FLVCR2: variants seen among roughly 807,000 people sequenced by gnomAD.
FLVCR2 encodes the protein FLVCR choline and putative heme transporter 2, also known as choline/ethanolamine transporter FLVCR2.
FLVCR2 carries 38 observed loss-of-function variants against 48.9 expected under a neutral mutation model. The ratio of observed to expected loss-of-function variants is 0.78; its 90% CI spans 0.60 to 1.02. FLVCR2 has a LOEUF of 1.02. Ranked by LOEUF, FLVCR2 falls within the 50% of genes least tolerant of loss-of-function variation. The pLI is 0.00. For missense variants in FLVCR2, 664 were observed against 663.3 expected (o/e 1.00, Z -0.01); for synonymous variants, 255 against 257.0 (o/e 0.99, Z 0.07).
intron 1 of FLVCR2, among the ~76,000 whole-genome samples, chr14:75,601,758 A>T (rs1889171225): frequency 6.6e-6 from 1 of 152,246 alleles, no homozygotes; most frequent in South Asian, 2.1e-4. Flanking sequence ...AATAACTAAA[A>T]CTTGGAAGCA....
At chr14:75,609,172 G>A (rs1594800539) in intron 1 of FLVCR2, among the ~76,000 whole-genome samples, 1 of 152,086 alleles carries the variant, frequency 6.6e-6, no homozygotes, top group Admixed American at 6.5e-5. Context: ...TCACAGCTGG[G>A]GATGCAGCAA....
At chr14:75,623,304 TA>T (rs1889810380) in intron 2 of FLVCR2, among the ~76,000 whole-genome samples, 1 of 152,194 alleles carries the variant, frequency 6.6e-6, no homozygotes, top group Non-Finnish European at 1.5e-5. Context: ...TAATATTTTA[TA>T]TCCATGTACA....
chr14:75,597,253 T>G (rs1171200691), intron 1 of FLVCR2, among the ~76,000 whole-genome samples: 1 of 149,220 alleles, frequency 6.7e-6, no homozygotes, highest in East Asian at 2.0e-4. Flanking sequence ...TGCACTCCAA[T>G]CTGAGCTATA....
At chr14:75,590,512 C>A (rs1190111150) in intron 1 of FLVCR2, among the ~76,000 whole-genome samples, 1 of 152,192 alleles carries the variant, frequency 6.6e-6, no homozygotes, top group African/African-American at 2.4e-5. Context: ...TGTGTCCCCA[C>A]CAAATCTCAT....
At chr14:75,589,414 A>G (rs1293953944) in intron 1 of FLVCR2, among the ~76,000 whole-genome samples, 1 of 152,208 alleles carries the variant, frequency 6.6e-6, no homozygotes, top group Non-Finnish European at 1.5e-5. Flanking sequence ...CTTTGACTTT[A>G]TGTCAAAGAA....
intron 5 of FLVCR2, 151 bp downstream of exon 5, chr14:75,635,164 T>C: frequency 1.4e-6 from 1 of 695,780 alleles, no homozygotes; most frequent in Non-Finnish European, 2.6e-6. Flanking sequence ...ACTTTCCTCA[T>C]TTATCAAATG....
At chr14:75,631,807 G>T (rs1194828953) in intron 3 of FLVCR2, 1 of 456,074 alleles carries the variant, frequency 2.2e-6, no homozygotes, top group Non-Finnish European at 4.4e-6. Context: ...ACTCGGAAAT[G>T]GACTTTCTAA....
At position 75,622,141 on chromosome 14, in the gene FLVCR2, C is replaced by G; in HGVS notation, c.732C>G (p.Asp244Glu). ...PVLVPNIEDR[D>E]ELAYHISIMF... is the part of the protein sequence containing the mutation. ...TGGTACCCAACATTGAAGACCGGGA[C>G]GAGCTTGCCTACCACATCAGCATCA... is the stretch of plus-strand genomic sequence containing the variant. The change falls in exon 2 of 10, where the codon GAC (aspartate) becomes GAG (glutamate). Residue 244 changes from aspartate to glutamate, a missense_variant. By Grantham distance (45) the Asp-to-Glu change is conservative. Transcript: ENST00000238667. 6.2e-7 allele frequency: 1 copy of G among 1,613,928 alleles called. No homozygotes were observed. The highest frequency in any genetic ancestry group is 8.5e-7 in the Non-Finnish European group (1 of 1,179,892).
chr14:75,595,803 C>T, intron 1 of FLVCR2: 1 of 801,310 alleles, frequency 1.2e-6, no homozygotes, highest in Non-Finnish European at 2.3e-6. Flanking sequence ...ATTGCAGCAC[C>T]TTTACTCCTT....
Position 75,646,632 on chromosome 14 carries a change from G to A in FLVCR2, c.*160G>A, listed in dbSNP as rs988621221. On this transcript the variant is annotated 3_prime_UTR_variant, in exon 10 of 10. Transcript: ENST00000238667. ...CCTATTCCTCCTAGAACCCACGTAA[G>A]AGCTTGGATGATTTAGTTGGAGAAA... is the stretch of plus-strand genomic sequence containing the variant. 3.0e-6 allele frequency: 2 copies of A among 672,098 alleles called. No individual in the cohort carries two copies. Among genetic ancestry groups the A allele is most frequent in the African/African-American group, 1.8e-5 (1 of 56,042 alleles). The allele number at this position is 672,098 out of a possible 1,614,324, so 41.6% of individuals were successfully genotyped here.
intron 1 of FLVCR2, among the ~76,000 whole-genome samples, chr14:75,593,249 C>G (rs1220118689): frequency 2.0e-5 from 3 of 152,184 alleles, no homozygotes; most frequent in African/African-American, 7.2e-5. Flanking sequence ...AACCCCACTC[C>G]TTGGTACAAA....
chr14:75,605,431 C>A lies in FLVCR2; in HGVS notation c.670-16648C>A. 2.1e-6 allele frequency: 3 copies of A among 1,460,000 alleles called. No homozygotes were observed. The Admixed American group carries it at 7.0e-5, about 34-fold the overall frequency. The allele number at this position is 1,460,000 out of a possible 1,614,324, so 90.4% of individuals were successfully genotyped here. On this transcript the variant is annotated intron_variant, in intron 1 of 9. Transcript: ENST00000238667. Reference sequence around the variant, plus strand: ...GGTGAGTCATTCATAGGTGGGAGGGCACCCTGTAAGCTCTGGTGGCCCAGC... The same window carrying A: ...GGTGAGTCATTCATAGGTGGGAGGGAACCCTGTAAGCTCTGGTGGCCCAGC...
chr14:75,621,914 GA>G lies in FLVCR2; in HGVS notation c.670-163del, dbSNP rs548538298. ...GATGTATGAGCCAAAATGTCAGTCAGAAGAAAGATTTCTCTGGTGTTTTGAG... is the reference window on the plus strand; with the variant it reads ...GATGTATGAGCCAAAATGTCAGTCAGAGAAAGATTTCTCTGGTGTTTTGAG... On this transcript the variant is annotated intron_variant, in intron 1 of 9. Coordinates refer to ENST00000238667, the MANE Select transcript of FLVCR2 (RefSeq NM_017791.3). 99 of 802,184 alleles carry G rather than the reference GA, an allele frequency of 1.2e-4. 1 individual carries two copies. In the East Asian group the frequency reaches 2.4e-3, roughly 20 times the overall value. The allele number at this position is 802,184 out of a possible 1,614,324, so 49.7% of individuals were successfully genotyped here.
At chr14:75,640,772 C>A in intron 6 of FLVCR2, 183 bp from the exon 7 acceptor site, 1 of 641,672 alleles carries the variant, frequency 1.6e-6, no homozygotes, top group Non-Finnish European at 2.8e-6. Flanking sequence ...TTCTTCCTGG[C>A]CTTCAGGGGT....
At chr14:75,638,449 A>G (rs551806688) in intron 5 of FLVCR2, among the ~76,000 whole-genome samples, 113 of 152,314 alleles carry the variant, frequency 7.4e-4, no homozygotes, top group African/African-American at 2.6e-3. Context: ...AAAAAAGGAC[A>G]AAAGAAAAAA....
intron 5 of FLVCR2, among the ~76,000 whole-genome samples, chr14:75,636,013 G>C (rs1042284184): frequency 1.3e-5 from 2 of 152,314 alleles, no homozygotes; most frequent in Non-Finnish European, 2.9e-5. Flanking sequence ...GCTGGCCTTG[G>C]AGAAAATCCT....
chr14:75,603,629 C>T (rs1889218832), intron 1 of FLVCR2, among the ~76,000 whole-genome samples: 2 of 152,168 alleles, frequency 1.3e-5, no homozygotes, highest in Admixed American at 1.3e-4. Context: ...CATGAAAAGG[C>T]AGAGGGTCTA....
chr14:75,635,201 C>T (rs1890137910), intron 5 of FLVCR2, among the ~76,000 whole-genome samples, 188 bp downstream of exon 5: 1 of 152,116 alleles, frequency 6.6e-6, no homozygotes, highest in African/African-American at 2.4e-5. Flanking sequence ...TCTTAAGATC[C>T]CCACAGGATC....
intron 6 of FLVCR2, 64 bp downstream of exon 6, chr14:75,639,526 A>G: frequency 2.6e-6 from 3 of 1,138,210 alleles, no homozygotes; most frequent in Middle Eastern, 1.9e-4. Context: ...AGCTTCCAGC[A>G]TCCTAGAATG....
Sources: allele counts gnomAD v4.1 joint callset (sites outside exome capture counted in the v4.1 genomes callset), GRCh38; gene constraint gnomAD v4.1.1; transcripts MANE v1.5; gene names NCBI Gene and HGNC (gene_info 2026-07-23, HGNC 2026-07-21).